Variants in GRIP1 observed in about 807,000 individuals in gnomAD.
GRIP1 encodes glutamate receptor-interacting protein 1.
GRIP1 carries 45 observed loss-of-function variants against 129.9 expected under a neutral mutation model. The ratio of observed to expected loss-of-function variants is 0.35; its 90% CI spans 0.27 to 0.44. GRIP1 has a LOEUF of 0.44. GRIP1 is among the 20% of genes least tolerant of loss of function. The pLI, the probability that GRIP1 is intolerant of heterozygous loss-of-function variation, is 1.00. For synonymous variants in GRIP1, 530 were observed against 520.8 expected, an observed-to-expected ratio of 1.02 and a Z score of -0.24; for missense variants, 1,196 against 1,396.8, an observed-to-expected ratio of 0.86 and a Z score of 2.29.
At chr12:66,618,832 C>T (rs2139948437) in intron 1 of GRIP1, among the ~76,000 whole-genome samples, 1 of 152,182 alleles carries the variant, frequency 6.6e-6, no homozygotes, top group South Asian at 2.1e-4. Context: ...AAAAGGCAAG[C>T]ACCATCATCA....
intron 23 of GRIP1, among the ~76,000 whole-genome samples, chr12:66,363,229 A>ATATATATATATATATATATATATAT (rs1592693881): frequency 2.3e-5 from 3 of 129,684 alleles, no homozygotes; most frequent in Non-Finnish European, 4.9e-5. Context: ...ATATATATAT[A>ATATATATATATATATATATATATAT]AAGTTTCTGT....
intron 1 of GRIP1, among the ~76,000 whole-genome samples, chr12:66,899,212 G>A (rs1186111766): frequency 1.3e-5 from 2 of 152,038 alleles, no homozygotes; most frequent in African/African-American, 4.8e-5. Flanking sequence ...GTTGCAGGAA[G>A]GCAAGTAAGA....
intron 1 of GRIP1, among the ~76,000 whole-genome samples, chr12:66,651,492 A>G (rs1310890828): frequency 1.3e-5 from 2 of 152,174 alleles, no homozygotes; most frequent in African/African-American, 4.8e-5. Context: ...TTATTTCCAA[A>G]TCAGAGAATA....
chr12:67,050,054 A>G (rs977689524), intron 1 of GRIP1, among the ~76,000 whole-genome samples: 6 of 147,484 alleles, frequency 4.1e-5, no homozygotes, highest in African/African-American at 1.5e-4. Context: ...TTGAATTCAT[A>G]TATGTATTCA....
At chr12:66,533,885 A>ACTCTCTCT (rs201892079) in intron 4 of GRIP1, among the ~76,000 whole-genome samples, 2,565 of 129,480 alleles carry the variant, frequency 0.02, 28 homozygotes, top group Non-Finnish European at 0.033. Context: ...ACACATACAC[A>ACTCTCTCT]CACTCTCTCT....
chr12:67,044,772 G>C (rs191052867), intron 1 of GRIP1, among the ~76,000 whole-genome samples: 17 of 152,066 alleles, frequency 1.1e-4, no homozygotes, highest in Admixed American at 9.8e-4. Context: ...AAAAATTAAA[G>C]AATTGTACAA....
intron 24 of GRIP1, among the ~76,000 whole-genome samples, chr12:66,350,370 G>C (rs565643080): frequency 3.9e-5 from 6 of 152,022 alleles, no homozygotes; most frequent in African/African-American, 1.4e-4. Flanking sequence ...GGTGGTGGGC[G>C]CCTGTAATCC....
intron 1 of GRIP1, among the ~76,000 whole-genome samples, chr12:66,858,784 C>T (rs1414476757): frequency 1.3e-5 from 2 of 151,354 alleles, no homozygotes; most frequent in Admixed American, 6.6e-5. Flanking sequence ...TAAAGATGAG[C>T]TAGTGGTATG....
intron 19 of GRIP1, among the ~76,000 whole-genome samples, chr12:66,385,258 G>T (rs2056303008): frequency 6.6e-6 from 1 of 152,208 alleles, no homozygotes; most frequent in African/African-American, 2.4e-5. Flanking sequence ...GGCTCAGGCA[G>T]GGCACGGTAG....
At chr12:67,029,746 C>G (rs1373810937) in intron 1 of GRIP1, among the ~76,000 whole-genome samples, 1 of 151,888 alleles carries the variant, frequency 6.6e-6, no homozygotes, top group Non-Finnish European at 1.5e-5. Flanking sequence ...ATGTGCTAGT[C>G]ATGTTGATGG....
intron 1 of GRIP1, among the ~76,000 whole-genome samples, chr12:66,708,791 A>G (rs2035620241): frequency 6.6e-6 from 1 of 151,780 alleles, no homozygotes; most frequent in Non-Finnish European, 1.5e-5. Flanking sequence ...CTTACATTTT[A>G]AAATCCACAA....
At chr12:66,704,723 T>C (rs2035469091) in intron 1 of GRIP1, among the ~76,000 whole-genome samples, 1 of 152,108 alleles carries the variant, frequency 6.6e-6, no homozygotes, top group Non-Finnish European at 1.5e-5. Context: ...TTAATTACAT[T>C]GGAATGATTT....
chr12:66,661,471 AAAG>A (rs1298075120), intron 1 of GRIP1, among the ~76,000 whole-genome samples: 3 of 78,074 alleles, frequency 3.8e-5, no homozygotes, highest in African/African-American at 1.7e-4. Context: ...AAAAAAAAAA[AAAG>A]GTGGAGGGGA....
intron 6 of GRIP1, 135 bp downstream of exon 6, chr12:66,517,766 T>C (rs1222387751): frequency 5.8e-6 from 4 of 690,568 alleles, no homozygotes; most frequent in African/African-American, 3.6e-5. Context: ...GTTCAGACTC[T>C]CAATTTTCAC....
chr12:66,952,479 T>C (rs2041773665), intron 1 of GRIP1, among the ~76,000 whole-genome samples: 1 of 152,204 alleles, frequency 6.6e-6, no homozygotes, highest in South Asian at 2.1e-4. Flanking sequence ...GCAGTATTGT[T>C]TACAAATGGC....
chr12:66,633,761 C>G (rs2031079769), intron 1 of GRIP1, among the ~76,000 whole-genome samples: 1 of 152,180 alleles, frequency 6.6e-6, no homozygotes, highest in Non-Finnish European at 1.5e-5. Context: ...CTCTTACCCC[C>G]TCTGCTATGT....
intron 1 of GRIP1, among the ~76,000 whole-genome samples, chr12:66,984,494 TGC>T (rs1160694402): frequency 6.6e-6 from 1 of 152,212 alleles, no homozygotes; most frequent in African/African-American, 2.4e-5. Context: ...GCTTACTGTG[TGC>T]CAGGTATTCT....
At chr12:67,044,616 T>A (rs1199277796) in intron 1 of GRIP1, among the ~76,000 whole-genome samples, 2 of 152,162 alleles carry the variant, frequency 1.3e-5, no homozygotes, top group Non-Finnish European at 2.9e-5. Flanking sequence ...GTATTATGTA[T>A]AACAATTGCT....
At chr12:67,059,513 A>C (rs1483483819) in intron 1 of GRIP1, among the ~76,000 whole-genome samples, 1 of 152,210 alleles carries the variant, frequency 6.6e-6, no homozygotes, top group Admixed American at 6.5e-5. Context: ...CTTTGCTCAA[A>C]TGTCATCTTG....
Sources: gnomAD v4.1 joint callset for allele counts (sites outside exome capture counted in the v4.1 genomes callset) on GRCh38, gnomAD v4.1.1 for gene constraint, MANE v1.5 for transcripts, NCBI Gene and HGNC (gene_info 2026-07-23, HGNC 2026-07-21) for gene names.